Variants in CHRM3 observed in about 807,000 individuals in gnomAD.
CHRM3 encodes the protein cholinergic receptor muscarinic 3.
Under a neutral mutation model 41.8 loss-of-function variants are expected in CHRM3, and 11 were observed. That is an observed-to-expected ratio of 0.26 (90% CI 0.17 to 0.44). CHRM3 has a LOEUF of 0.44. CHRM3 is among the 20% of genes least tolerant of loss of function. The pLI is 1.00. For missense variants in CHRM3, 571 were observed against 745.4 expected (o/e 0.77, Z 2.72); for synonymous variants, 297 against 301.4 (o/e 0.99, Z 0.15).
At chr1:239,393,630 C>A (rs1228619576) in intron 1 of CHRM3, among the ~76,000 whole-genome samples, 1 of 152,164 alleles carries the variant, frequency 6.6e-6, no homozygotes, top group African/African-American at 2.4e-5. Flanking sequence ...TTTCCTTGAG[C>A]GCAGCTATCA....
rs912163708 is a variant in CHRM3, at chr1:239,748,393, A to G, written c.-147+70105A>G. On this transcript the variant is annotated intron_variant, in intron 5 of 6. Transcript: ENST00000676153. The surrounding 1 kb of genome is among the most constrained non-coding windows in gnomAD (Gnocchi z 4.3). ...TAACTCTCAGACTGATCAATTTCCCATTACTGCCACTCCATGGTGCACATT... is the reference window on the plus strand; with the variant it reads ...TAACTCTCAGACTGATCAATTTCCCGTTACTGCCACTCCATGGTGCACATT... Among the ~76,000 whole-genome samples the G allele has an allele frequency of 1.2e-4, 19 of 152,058 alleles. No individual in the cohort carries two copies. The highest frequency in any genetic ancestry group is 4.6e-4 in the African/African-American group (19 of 41,414).
At chr1:239,684,109 A>G (rs1346070469) in intron 5 of CHRM3, among the ~76,000 whole-genome samples, 1 of 152,128 alleles carries the variant, frequency 6.6e-6, no homozygotes, top group Non-Finnish European at 1.5e-5. Context: ...AAACAAACCA[A>G]TTTTTTACCA....
chr1:239,528,984 ATTC>A (rs1316151746), intron 2 of CHRM3, among the ~76,000 whole-genome samples: 1 of 152,228 alleles, frequency 6.6e-6, no homozygotes, highest in East Asian at 1.9e-4. Context: ...CAATGTGGAT[ATTC>A]TTCTCATTCA....
At chr1:239,717,850 GT>G (rs1191301556) in intron 5 of CHRM3, among the ~76,000 whole-genome samples, 1 of 152,038 alleles carries the variant, frequency 6.6e-6, no homozygotes, top group African/African-American at 2.4e-5. Flanking sequence ...AGTAATCTGT[GT>G]TTGACTCCAG....
At chr1:239,905,989 G>A (rs1679940292) in intron 6 of CHRM3, among the ~76,000 whole-genome samples, 1 of 152,126 alleles carries the variant, frequency 6.6e-6, no homozygotes, top group Non-Finnish European at 1.5e-5. Flanking sequence ...ATTGAATTCT[G>A]GAAAGAATTG....
chr1:239,805,006 A>G (rs1345097582), intron 5 of CHRM3, among the ~76,000 whole-genome samples: 5 of 152,310 alleles, frequency 3.3e-5, no homozygotes, highest in Non-Finnish European at 5.9e-5. Context: ...TTCTGAAACT[A>G]TCCTCTGCCC....
At chr1:239,708,284 G>A (rs557451205) in intron 5 of CHRM3, among the ~76,000 whole-genome samples, 32 of 152,270 alleles carry the variant, frequency 2.1e-4, no homozygotes, top group African/African-American at 7.7e-4. Flanking sequence ...GTGCTCATCA[G>A]CTGTATCTAG....
At chr1:239,899,551 AGT>A (rs1433987797) in intron 6 of CHRM3, among the ~76,000 whole-genome samples, 1 of 148,858 alleles carries the variant, frequency 6.7e-6, no homozygotes, top group African/African-American at 2.5e-5. Flanking sequence ...CGGACCAATT[AGT>A]GTGTGTGTGT....
At chr1:239,819,424 A>C (rs1671854318) in intron 5 of CHRM3, among the ~76,000 whole-genome samples, 3 of 152,298 alleles carry the variant, frequency 2.0e-5, no homozygotes, top group South Asian at 4.1e-4. Flanking sequence ...AGAGGAAGAA[A>C]AGTATGAGTC....
At chr1:239,531,070 T>C (rs1383880609) in intron 2 of CHRM3, among the ~76,000 whole-genome samples, 1 of 151,980 alleles carries the variant, frequency 6.6e-6, no homozygotes, top group Non-Finnish European at 1.5e-5. Context: ...GAAAACAAGA[T>C]AGAAAAATTA....
intron 1 of CHRM3, among the ~76,000 whole-genome samples, chr1:239,478,287 G>T (rs1666597549): frequency 1.3e-5 from 2 of 152,138 alleles, no homozygotes; most frequent in Admixed American, 6.5e-5. Flanking sequence ...ACAAAAGAAG[G>T]AGTGTACTCA....
chr1:239,668,089 CTTTTTTTTTT>C (rs1221135009), intron 4 of CHRM3, among the ~76,000 whole-genome samples: 2 of 75,598 alleles, frequency 2.6e-5, no homozygotes, highest in Non-Finnish European at 2.6e-5. Context: ...TTTCCCCTTT[CTTTTTTTTTT>C]TTTTTTTTTT....
intron 2 of CHRM3, among the ~76,000 whole-genome samples, chr1:239,524,778 T>C (rs1796837): frequency 0.46 from 70,543 of 151,742 alleles, 17,093 homozygotes; most frequent in Middle Eastern, 0.62. Flanking sequence ...CACAGTTGCC[T>C]GGCTTAGGTC....
chr1:239,683,790 C>A (rs983348706), intron 5 of CHRM3, among the ~76,000 whole-genome samples: 1 of 152,092 alleles, frequency 6.6e-6, no homozygotes, highest in Non-Finnish European at 1.5e-5. Context: ...TTGGATCATT[C>A]TCTTGCCTCT....
chr1:239,903,607 T>G (rs973768258), intron 6 of CHRM3, among the ~76,000 whole-genome samples: 2 of 152,188 alleles, frequency 1.3e-5, no homozygotes, highest in African/African-American at 4.8e-5. Flanking sequence ...GGTGTTCACC[T>G]CAGGAGTGGC....
chr1:239,463,503 G>C (rs1428207435), intron 1 of CHRM3, among the ~76,000 whole-genome samples: 1 of 151,970 alleles, frequency 6.6e-6, no homozygotes, highest in Non-Finnish European at 1.5e-5. Flanking sequence ...GTTTTAACCT[G>C]TCACTGCTGT....
intron 3 of CHRM3, among the ~76,000 whole-genome samples, chr1:239,550,150 C>G (rs773595195): frequency 2.0e-5 from 3 of 152,084 alleles, no homozygotes; most frequent in East Asian, 1.9e-4. Flanking sequence ...GCCTTACCTG[C>G]GTGCCATGAT....
In CHRM3 at chr1:239,635,552, A is replaced by G. The variant is rs371693460; in HGVS notation, c.-250+3266A>G. ...AAGACCTCTCCTAACCGCTCTCTAA[A>G]TAACCACTGTCCTGGACACCCAGGT... On this transcript the variant is annotated intron_variant, in intron 4 of 6. Transcript: ENST00000676153. Among the ~76,000 whole-genome samples, 6 of 152,308 alleles carry G rather than the reference A, an allele frequency of 3.9e-5. No homozygotes were observed. In the East Asian group the frequency reaches 5.8e-4, roughly 15 times the overall value.
At chr1:239,762,881 T>TA in intron 5 of CHRM3, among the ~76,000 whole-genome samples, 1 of 152,286 alleles carries the variant, frequency 6.6e-6, no homozygotes, top group Middle Eastern at 3.4e-3. Context: ...AATCACAAGT[T>TA]AAAAATGAGT....
Sources: allele counts gnomAD v4.1 joint callset (sites outside exome capture counted in the v4.1 genomes callset), GRCh38; gene constraint gnomAD v4.1.1; non-coding constraint Gnocchi (gnomAD v3.1); transcripts MANE v1.5; gene names NCBI Gene and HGNC (gene_info 2026-07-23, HGNC 2026-07-21).